SLCO1A2: variants seen among roughly 807,000 people sequenced by gnomAD.
The protein encoded by SLCO1A2 is solute carrier organic anion transporter family member 1A2.
A neutral mutation model predicts 69.0 loss-of-function variants in SLCO1A2; 67 were observed. That is an observed-to-expected ratio of 0.97 (90% CI 0.80 to 1.19). The LOEUF (loss-of-function observed/expected upper bound fraction) is 1.19, where lower values mean the gene tolerates loss of function less well. Among genes scored for constraint, SLCO1A2 ranks in the 50% most tolerant of loss-of-function variants. SLCO1A2 has a pLI of 0.00. For synonymous variants in SLCO1A2, 260 were observed against 265.9 expected, an observed-to-expected ratio of 0.98 and a Z score of 0.22; for missense variants, 787 against 793.7, an observed-to-expected ratio of 0.99 and a Z score of 0.10.
intron 2 of SLCO1A2, 32 bp downstream of exon 2, chr12:21,334,556 T>G (rs753906250): frequency 1.3e-6 from 2 of 1,528,904 alleles, no homozygotes; most frequent in Non-Finnish European, 1.8e-6. Flanking sequence ...CTAGTGTACA[T>G]GCACATATAT....
chr12:21,301,229 T>C lies in SLCO1A2; in HGVS notation c.630A>G (p.Gly210=). The change falls in exon 7 of 15, where the codon GGA becomes GGG. Residue 210 remains glycine, a synonymous_variant. Coordinates refer to ENST00000683939, the MANE Select transcript of SLCO1A2 (RefSeq NM_001386879.1). ...TTGCACAGAATGATGCCAACAAAAG[T>C]CCAATCAAAGGACCAATAATAGCTC... ...ETGAIIGPLI[G]LLLASFCANV... 1 of 1,612,536 alleles carries C rather than the reference T, an allele frequency of 6.2e-7. No homozygotes were observed. Among genetic ancestry groups the C allele is most frequent in the Non-Finnish European group, 8.5e-7 (1 of 1,179,406 alleles).
At chr12:21,375,288 T>C (rs1176188738) in intron 1 of SLCO1A2, among the ~76,000 whole-genome samples, 1 of 152,224 alleles carries the variant, frequency 6.6e-6, no homozygotes, top group African/African-American at 2.4e-5. Context: ...CTTTTTAATA[T>C]GTTGCCTGAA....
In SLCO1A2 at chr12:21,297,675, T is replaced by C; in HGVS notation, c.911-107A>G. Reference sequence around the variant, plus strand: ...TCAACAAATTATGTTTTTTACTATTTTGTAATATGTATTGTTTGCTAATTC... The same window carrying C: ...TCAACAAATTATGTTTTTTACTATTCTGTAATATGTATTGTTTGCTAATTC... On this transcript the variant is annotated intron_variant, in intron 8 of 14. Transcript: ENST00000683939. 3 of 714,832 alleles carry C rather than the reference T, an allele frequency of 4.2e-6. No homozygotes were observed. In the South Asian group the frequency reaches 6.5e-5, roughly 16 times the overall value. The allele number at this position is 714,832 out of a possible 1,614,324, so 44.3% of individuals were successfully genotyped here. A position where few individuals can be genotyped will look rare whatever the true frequency, so the allele number is the denominator to read the frequency against.
intron 4 of SLCO1A2, among the ~76,000 whole-genome samples, chr12:21,307,223 T>C (rs1458809266): frequency 2.0e-5 from 3 of 152,232 alleles, no homozygotes; most frequent in East Asian, 3.8e-4. Context: ...CTGTGGATGA[T>C]CTACCTTTAG....
At chr12:21,417,741 G>C (rs966722135) in intron 1 of SLCO1A2, 1 of 152,046 alleles carries the variant, frequency 6.6e-6, no homozygotes, top group Non-Finnish European at 1.5e-5. Flanking sequence ...ATGTCAAAAA[G>C]TTAAATCACG....
intron 12 of SLCO1A2, among the ~76,000 whole-genome samples, chr12:21,286,057 G>A (rs562966679): frequency 5.3e-5 from 8 of 151,906 alleles, no homozygotes; most frequent in African/African-American, 1.9e-4. Context: ...TAGGAAAAGA[G>A]GAAGTCAAAT....
intron 2 of SLCO1A2, among the ~76,000 whole-genome samples, chr12:21,324,400 A>C (rs1952035400): frequency 1.3e-5 from 2 of 152,248 alleles, no homozygotes; most frequent in South Asian, 4.1e-4. Flanking sequence ...TTATTTGCAT[A>C]AAGTGCAGCA....
intron 2 of SLCO1A2, among the ~76,000 whole-genome samples, chr12:21,361,508 C>T (rs1427296761): frequency 1.3e-5 from 2 of 152,124 alleles, no homozygotes; most frequent in Admixed American, 1.3e-4. Flanking sequence ...GAGCTCCTTG[C>T]CAGTAATGGA....
At chr12:21,360,629 T>C (rs1938770032) in intron 2 of SLCO1A2, among the ~76,000 whole-genome samples, 1 of 152,202 alleles carries the variant, frequency 6.6e-6, no homozygotes. Flanking sequence ...GGGAATTCCC[T>C]TTCCTAGCAA....
At chr12:21,323,245 G>A (rs1951859237) in intron 2 of SLCO1A2, among the ~76,000 whole-genome samples, 1 of 152,222 alleles carries the variant, frequency 6.6e-6, no homozygotes, top group Non-Finnish European at 1.5e-5. Context: ...CATAAGCATT[G>A]CTCTGAAAAA....
intron 2 of SLCO1A2, among the ~76,000 whole-genome samples, chr12:21,350,835 CAAAAAAAA>C (rs11454466): frequency 2.5e-5 from 1 of 40,726 alleles, no homozygotes; most frequent in East Asian, 1.4e-3. Flanking sequence ...GACTCTGTCT[CAAAAAAAA>C]AAAAAAAAAA....
chr12:21,350,669 T>C (rs1301935138), intron 2 of SLCO1A2, among the ~76,000 whole-genome samples: 1 of 151,570 alleles, frequency 6.6e-6, no homozygotes, highest in Admixed American at 6.6e-5. Flanking sequence ...ACCCCGTCTC[T>C]ACTAAAATAC....
At chr12:21,373,888 T>C (rs1212300396) in intron 2 of SLCO1A2, among the ~76,000 whole-genome samples, 2 of 152,162 alleles carry the variant, frequency 1.3e-5, no homozygotes, top group East Asian at 3.8e-4. Flanking sequence ...CTTTTACATC[T>C]TGTGGAAATG....
At chr12:21,356,892 T>C (rs1421439250) in intron 2 of SLCO1A2, among the ~76,000 whole-genome samples, 2 of 152,142 alleles carry the variant, frequency 1.3e-5, no homozygotes, top group Non-Finnish European at 2.9e-5. Flanking sequence ...ACAGAAAATA[T>C]GCCTTTTCCA....
intron 1 of SLCO1A2, among the ~76,000 whole-genome samples, chr12:21,384,573 A>T (rs1383169436): frequency 6.6e-6 from 1 of 152,180 alleles, no homozygotes; most frequent in Non-Finnish European, 1.5e-5. Flanking sequence ...TGGTAAGTTT[A>T]TCAGGGTTGT....
intron 7 of SLCO1A2, 139 bp downstream of exon 7, chr12:21,301,032 C>G: frequency 4.2e-6 from 2 of 479,198 alleles, no homozygotes; most frequent in Non-Finnish European, 7.1e-6. Flanking sequence ...ATTTAAATTC[C>G]TCCACTAGAG....
At chr12:21,412,249 C>T (rs757270695) in intron 1 of SLCO1A2, among the ~76,000 whole-genome samples, 3 of 151,830 alleles carry the variant, frequency 2.0e-5, no homozygotes, top group Non-Finnish European at 4.4e-5. Context: ...GGCATGGTGG[C>T]GGGCGCCTGT....
chr12:21,352,382 T>C (rs17333533), intron 2 of SLCO1A2, among the ~76,000 whole-genome samples: 7,691 of 152,328 alleles, frequency 0.05, 265 homozygotes, highest in Non-Finnish European at 0.076. Flanking sequence ...AATCTCATTC[T>C]ATTTTTGCAG....
At chr12:21,322,021 C>T (rs922162717) in intron 2 of SLCO1A2, among the ~76,000 whole-genome samples, 1 of 152,154 alleles carries the variant, frequency 6.6e-6, no homozygotes, top group Non-Finnish European at 1.5e-5. Flanking sequence ...GCACCCAATA[C>T]AAGTTTATTG....
Sources: allele counts gnomAD v4.1 joint callset (sites outside exome capture counted in the v4.1 genomes callset), GRCh38; gene constraint gnomAD v4.1.1; transcripts MANE v1.5; gene names NCBI Gene and HGNC (gene_info 2026-07-23, HGNC 2026-07-21).